SEMA6C: variants seen among roughly 807,000 people sequenced by gnomAD.
SEMA6C encodes the protein semaphorin-6C.
SEMA6C carries 37 observed loss-of-function variants against 72.9 expected under a neutral mutation model. The ratio of observed to expected loss-of-function variants is 0.51; its 90% CI spans 0.39 to 0.67. The LOEUF (loss-of-function observed/expected upper bound fraction) is 0.67, where lower values mean the gene tolerates loss of function less well. Ranked by LOEUF, SEMA6C falls within the 30% of genes least tolerant of loss-of-function variation. The pLI is 0.00. For synonymous variants in SEMA6C, 578 were observed against 554.1 expected (o/e 1.04, Z -0.61); for missense variants, 1,189 against 1,263.6 (o/e 0.94, Z 0.89).
rs772178299 is a variant in SEMA6C, at chr1:151,135,220, G to GA, written c.1522dup (p.Ser508PhefsTer34). ...GAGAGGGAGGTAGACAATACAGCCA[G>GA]AAAAAGCCACAAAAAGCCTGTGACC... On this transcript the variant is annotated frameshift_variant, in exon 15 of 19. Coordinates refer to ENST00000368914, the MANE Select transcript of SEMA6C (RefSeq NM_030913.6). LOFTEE classifies it high-confidence loss of function. 3.7e-6 allele frequency: 6 copies of GA among 1,614,166 alleles called. No homozygotes were observed. Among genetic ancestry groups the GA allele is most frequent in the Non-Finnish European group, 8.5e-7 (1 of 1,180,018 alleles).
intron 2 of SEMA6C, among the ~76,000 whole-genome samples, chr1:151,143,597 A>G (rs587618324): frequency 1.4e-4 from 22 of 152,288 alleles, no homozygotes; most frequent in African/African-American, 4.8e-4. Flanking sequence ...ATTAAAATAT[A>G]AATTATTCAG....
intron 2 of SEMA6C, among the ~76,000 whole-genome samples, chr1:151,143,277 GC>G (rs1682708273): frequency 6.6e-6 from 1 of 152,188 alleles, no homozygotes; most frequent in Non-Finnish European, 1.5e-5. Context: ...CCTTCCCACC[GC>G]TAGGGAAGAA....
chr1:151,139,599 C>T, intron 5 of SEMA6C, 39 bp downstream of exon 5: 1 of 1,607,490 alleles, frequency 6.2e-7, no homozygotes. Context: ...TTCCCAGCCT[C>T]ATCTCCACGT....
At chr1:151,139,589 T>C in intron 5 of SEMA6C, 49 bp downstream of exon 5, 2 of 1,607,872 alleles carry the variant, frequency 1.2e-6, no homozygotes, top group South Asian at 1.1e-5. Flanking sequence ...CATTAGACCT[T>C]TCCCAGCCTC....
Position 151,132,382 on chromosome 1 carries a change from G to A in SEMA6C, c.*102C>T. ...GAGACTCTGCGAGTCGGGAAGGCTG[G>A]AGGTGCGGGGCGAGGGGGCGGTGAA... On this transcript the variant is annotated 3_prime_UTR_variant, in exon 19 of 19. Coordinates refer to ENST00000368914, the MANE Select transcript of SEMA6C (RefSeq NM_030913.6). The A allele has an allele frequency of 6.5e-7, 1 of 1,528,614 alleles. No homozygotes were observed. The highest frequency in any genetic ancestry group is 8.8e-7 in the Non-Finnish European group (1 of 1,135,818). 94.7% of individuals were successfully genotyped at this position (1,528,614 alleles called of 1,614,324 possible). A position where few individuals can be genotyped will look rare whatever the true frequency, so the allele number is the denominator to read the frequency against.
Position 151,132,762 on chromosome 1 carries a change from C to T in SEMA6C, c.2515G>A (p.Ala839Thr). ...ASAPARPALS[A>T]PAPRLGVGGG... ...CCGACGCCCAGCCGGGGAGCGGGGG[C>T]GGAGAGCGCGGGCCGGGCGGGGGCA... is the stretch of plus-strand genomic sequence containing the variant. The change falls in exon 19 of 19, where the codon GCC (alanine) becomes ACC (threonine). Residue 839 changes from alanine to threonine, a missense_variant. By Grantham distance (58) the Ala-to-Thr change is moderately conservative (BLOSUM62 0). Around this residue, in one of 2 missense-constraint regions of SEMA6C, gnomAD observed 721 missense variants for 686.2 expected, o/e 1.05. Coordinates refer to ENST00000368914, the MANE Select transcript of SEMA6C (RefSeq NM_030913.6). 1 of 1,435,612 alleles carries T rather than the reference C, an allele frequency of 7.0e-7. No homozygotes were observed. Among genetic ancestry groups the T allele is most frequent in the Non-Finnish European group, 9.1e-7 (1 of 1,093,702 alleles). The allele number at this position is 1,435,612 out of a possible 1,614,324, so 88.9% of individuals were successfully genotyped here.
rs1322880228 is a variant in SEMA6C at position 151,134,209 on chromosome 1, C to T, written c.1759+192G>A. 3 of 751,800 alleles carry T rather than the reference C, an allele frequency of 4.0e-6. No individual in the cohort carries two copies. In the African/African-American group the frequency reaches 5.3e-5, roughly 13 times the overall value. 46.6% of individuals were successfully genotyped at this position (751,800 alleles called of 1,614,324 possible). A position where few individuals can be genotyped will look rare whatever the true frequency, so the allele number is the denominator to read the frequency against. On this transcript the variant is annotated intron_variant, in intron 18 of 18. Coordinates refer to ENST00000368914, the MANE Select transcript of SEMA6C (RefSeq NM_030913.6). Reference sequence around the variant, plus strand: ...CTGGGGAAGGGCTCATCATGCAGGACATTGATTTATTTGTTCAAAAAGTAC... The same window carrying T: ...CTGGGGAAGGGCTCATCATGCAGGATATTGATTTATTTGTTCAAAAAGTAC...
chr1:151,140,860 T>A (rs776063924), intron 3 of SEMA6C, among the ~76,000 whole-genome samples: 1 of 151,972 alleles, frequency 6.6e-6, no homozygotes, highest in Non-Finnish European at 1.5e-5. Context: ...TAGCCAGGCG[T>A]GGTGGCGGGC....
rs1284217772 is a variant in SEMA6C at position 151,136,445 on chromosome 1, T to C, written c.1106+3A>G. On this transcript the variant is annotated splice_donor_region_variant and intron_variant, in intron 12 of 18. Transcript: ENST00000368914. ...CCCACAAAAACAACTCCATCCTGGG[T>C]ACCTGGGTGAGGGAACTCTGTCCTC... 1 of 1,612,800 alleles carries C rather than the reference T, an allele frequency of 6.2e-7. No individual in the cohort carries two copies. Among genetic ancestry groups the C allele is most frequent in the Non-Finnish European group, 8.5e-7 (1 of 1,179,670 alleles).
chr1:151,132,389 G>C lies in SEMA6C; in HGVS notation c.*95C>G. 6.6e-7 allele frequency: 1 copy of C among 1,522,454 alleles called. No homozygotes were observed. Among genetic ancestry groups the C allele is most frequent in the Non-Finnish European group, 8.8e-7 (1 of 1,132,692 alleles). 94.3% of individuals were successfully genotyped at this position (1,522,454 alleles called of 1,614,324 possible). A position where few individuals can be genotyped will look rare whatever the true frequency, so the allele number is the denominator to read the frequency against. On this transcript the variant is annotated 3_prime_UTR_variant, in exon 19 of 19. Transcript: ENST00000368914. ...TGCGAGTCGGGAAGGCTGGAGGTGCGGGGCGAGGGGGCGGTGAAACGTCCT... is the reference window on the plus strand; with the variant it reads ...TGCGAGTCGGGAAGGCTGGAGGTGCCGGGCGAGGGGGCGGTGAAACGTCCT...
intron 14 of SEMA6C, 96 bp downstream of exon 14, chr1:151,135,495 G>A: frequency 6.7e-7 from 1 of 1,489,818 alleles, no homozygotes; most frequent in South Asian, 1.3e-5. Context: ...CCCTGCAAAA[G>A]CCAATGTTGA....
rs1249968303 is a variant in SEMA6C at position 151,133,020 on chromosome 1, G to C, written c.2257C>G (p.Pro753Ala). 2 of 1,407,914 alleles carry C rather than the reference G, an allele frequency of 1.4e-6. No homozygotes were observed. The highest frequency in any genetic ancestry group is 1.8e-6 in the Non-Finnish European group (2 of 1,081,254). The allele number at this position is 1,407,914 out of a possible 1,614,324, so 87.2% of individuals were successfully genotyped here. A position where few individuals can be genotyped will look rare whatever the true frequency, so the allele number is the denominator to read the frequency against. The change falls in exon 19 of 19, where the codon CCG becomes GCG. Residue 753 changes from proline to alanine, a missense_variant. Transcript: ENST00000368914. This position sits in a 1 kb window ranked among gnomAD's most constrained non-coding sequence, Gnocchi z 5.9. ...GPAPRVLVRP[P>A]PPGCPGQAVE... ...GCCTGCCCGGGACAGCCGGGCGGCGGTGGCCTCACCAGCACGCGGGGCGCG... is the reference window on the plus strand; with the variant it reads ...GCCTGCCCGGGACAGCCGGGCGGCGCTGGCCTCACCAGCACGCGGGGCGCG...
chr1:151,140,887 A>T (rs1387601796), intron 3 of SEMA6C, among the ~76,000 whole-genome samples: 8 of 151,906 alleles, frequency 5.3e-5, no homozygotes, highest in Non-Finnish European at 1.2e-4. Flanking sequence ...AGTCCCAGCT[A>T]CTCGGGAGGC....
chr1:151,135,212 T>C lies in SEMA6C; in HGVS notation c.1531A>G (p.Ile511Val), dbSNP rs1681919696. 1 of 1,614,102 alleles carries C rather than the reference T, an allele frequency of 6.2e-7. No homozygotes were observed. The highest frequency in any genetic ancestry group is 8.5e-7 in the Non-Finnish European group (1 of 1,180,006). The change falls in exon 15 of 19, where the codon ATT (isoleucine) becomes GTT (valine). Residue 511 changes from isoleucine to valine, a missense_variant. Physicochemically the swap from Ile to Val is conservative, Grantham distance 29. This residue lies in a region of SEMA6C where 721 missense variants were observed against 686.2 expected (regional missense o/e 1.05). Coordinates refer to ENST00000368914, the MANE Select transcript of SEMA6C (RefSeq NM_030913.6). ...CACCGGCTGAGAGGGAGGTAGACAATACAGCCAGAAAAAGCCACAAAAAGC... is the reference window on the plus strand; with the variant it reads ...CACCGGCTGAGAGGGAGGTAGACAACACAGCCAGAAAAAGCCACAAAAAGC... ...HRLFVAFSGC[I>V]VYLPLSRCAR...
At position 151,136,000 on chromosome 1, in the gene SEMA6C, C is replaced by T. The variant is rs778147749; in HGVS notation, c.1259+11G>A. 15 of 1,613,856 alleles carry T rather than the reference C, an allele frequency of 9.3e-6. No homozygotes were observed. The South Asian group carries it at 1.2e-4, about 13-fold the overall frequency. On this transcript the variant is annotated intron_variant, in intron 13 of 18. Transcript: ENST00000368914. ...CAGGGAGGCAGTGGTCAGTGTTTTT[C>T]AGCCCCATACCTGCTAGTGAGAGTG...
chr1:151,136,210 CTTAG>C lies in SEMA6C; in HGVS notation c.1107-51_1107-48del, dbSNP rs773317868. ...GCTGCCTTTGGACTGGGAGCTGGAG[CTTAG>C]TTAACCTCTGTGCCCCCTACTGCTC... On this transcript the variant is annotated intron_variant, in intron 12 of 18. Transcript: ENST00000368914. The C allele has an allele frequency of 2.5e-6, 4 of 1,607,270 alleles. No individual in the cohort carries two copies. The Admixed American group carries it at 5.0e-5, about 20-fold the overall frequency.
chr1:151,135,833 C>G, intron 13 of SEMA6C, 69 bp from the exon 14 acceptor site: 1 of 1,566,850 alleles, frequency 6.4e-7, no homozygotes, highest in Non-Finnish European at 8.7e-7. Flanking sequence ...GAGAGCCCAA[C>G]TGCCTTGGTA....
Position 151,133,413 on chromosome 1 carries a change from C to T in SEMA6C, c.1864G>A (p.Gly622Ser). 1 of 1,594,624 alleles carries T rather than the reference C, an allele frequency of 6.3e-7. No individual in the cohort carries two copies. Among genetic ancestry groups the T allele is most frequent in the Non-Finnish European group, 8.5e-7 (1 of 1,173,746 alleles). Residue 622 changes from glycine (G) to serine (S), a missense_variant, in exon 19 of 19, where the codon GGC (glycine) becomes AGC (serine). By Grantham distance (56) the Gly-to-Ser change is moderately conservative (BLOSUM62 0). Around this residue, in one of 2 missense-constraint regions of SEMA6C, gnomAD observed 721 missense variants for 686.2 expected, o/e 1.05. Coordinates refer to ENST00000368914, the MANE Select transcript of SEMA6C (RefSeq NM_030913.6). The surrounding 1 kb of genome is among the most constrained non-coding windows in gnomAD (Gnocchi z 5.9). ...AAFALGASVS[G>S]LLVSCACRRA... ...CGACAAGCACAGGAGACCAGGAGGCCAGAGACTGAGGCGCCCAGGGCAAAA... is the reference window on the plus strand; with the variant it reads ...CGACAAGCACAGGAGACCAGGAGGCTAGAGACTGAGGCGCCCAGGGCAAAA...
In SEMA6C at chr1:151,132,900, G is replaced by A; in HGVS notation, c.2377C>T (p.Arg793Trp). Reference protein sequence around the residue: ...GAEPPAPLTSRALPPEPAPAL... With the variant: ...GAEPPAPLTSWALPPEPAPAL... ...GGGGCGGGCTCCGGCGGGAGCGCCC[G>A]CGAGGTTAAAGGGGCGGGGGGCTCG... The change falls in exon 19 of 19, where the codon CGG (arginine) becomes TGG (tryptophan). Residue 793 changes from arginine to tryptophan, a missense_variant. Arg to Trp is a moderately radical substitution (Grantham distance 101). Coordinates refer to ENST00000368914, the MANE Select transcript of SEMA6C (RefSeq NM_030913.6). The A allele has an allele frequency of 2.2e-6, 3 of 1,343,216 alleles. No individual in the cohort carries two copies. The highest frequency in any genetic ancestry group is 1.5e-5 in the South Asian group (1 of 66,452). 83.2% of individuals were successfully genotyped at this position (1,343,216 alleles called of 1,614,324 possible). A position where few individuals can be genotyped will look rare whatever the true frequency, so the allele number is the denominator to read the frequency against.
Sources: allele counts gnomAD v4.1 joint callset (sites outside exome capture counted in the v4.1 genomes callset), GRCh38; gene constraint gnomAD v4.1.1; regional missense constraint gnomAD v4.1.1; non-coding constraint Gnocchi (gnomAD v3.1); transcripts MANE v1.5; gene names NCBI Gene and HGNC (gene_info 2026-07-23, HGNC 2026-07-21).